ATP6V1D: variants seen among roughly 807,000 people sequenced by gnomAD.
The protein encoded by ATP6V1D is V-type proton ATPase subunit D.
A neutral mutation model predicts 39.4 loss-of-function variants in ATP6V1D; 20 were observed. The observed-to-expected ratio is 0.51, with a 90% CI of 0.36 to 0.74. The LOEUF (loss-of-function observed/expected upper bound fraction) is 0.74, where lower values mean the gene tolerates loss of function less well. ATP6V1D is among the 30% of genes least tolerant of loss of function. The probability of loss-of-function intolerance (pLI) is 0.00; values close to 1 mark genes in which losing one functional copy is unlikely to be tolerated. For synonymous variants in ATP6V1D, 100 were observed against 100.5 expected, an observed-to-expected ratio of 0.99 and a Z score of 0.03; for missense variants, 228 against 291.6, an observed-to-expected ratio of 0.78 and a Z score of 1.59.
At chr14:67,348,393 G>A (rs182725615) in intron 4 of ATP6V1D, among the ~76,000 whole-genome samples, 4 of 151,936 alleles carry the variant, frequency 2.6e-5, no homozygotes, top group African/African-American at 9.7e-5. Context: ...CTTTGGTAAA[G>A]ATGGGGTTTC....
intron 1 of ATP6V1D, among the ~76,000 whole-genome samples, chr14:67,358,332 A>G (rs1286128232): frequency 6.6e-6 from 1 of 152,210 alleles, no homozygotes; most frequent in Non-Finnish European, 1.5e-5. Context: ...TAAAAAATTT[A>G]AAAACTTCAT....
chr14:67,342,007 A>G (rs58292941), intron 7 of ATP6V1D, among the ~76,000 whole-genome samples: 22,982 of 150,916 alleles, frequency 0.15, 3,314 homozygotes, highest in East Asian at 0.42. Context: ...AAGAGTCATC[A>G]CCACTCCCTA....
At chr14:67,342,490 G>C (rs1249240944) in intron 7 of ATP6V1D, among the ~76,000 whole-genome samples, 1 of 149,760 alleles carries the variant, frequency 6.7e-6, no homozygotes, top group East Asian at 1.9e-4. Flanking sequence ...CATTAGGCTC[G>C]ACTTTACATA....
At chr14:67,347,097 C>T (rs745859206) in intron 5 of ATP6V1D, among the ~76,000 whole-genome samples, 10 of 152,182 alleles carry the variant, frequency 6.6e-5, no homozygotes, top group Non-Finnish European at 1.5e-4. Flanking sequence ...AATCCTCCCT[C>T]CTCAGCCCTG....
At chr14:67,358,942 CTCTT>C (rs2085705980) in intron 1 of ATP6V1D, among the ~76,000 whole-genome samples, 1 of 152,192 alleles carries the variant, frequency 6.6e-6, no homozygotes, top group Non-Finnish European at 1.5e-5. Flanking sequence ...GATTAAGACA[CTCTT>C]TCATCCTGGA....
chr14:67,359,563 G>C, intron 1 of ATP6V1D, 95 bp downstream of exon 1: 1 of 1,409,230 alleles, frequency 7.1e-7, no homozygotes, highest in Non-Finnish European at 9.9e-7. Context: ...GATCCTCCCA[G>C]GAAACAAGGA....
At chr14:67,354,813 CATTTT>C (rs769556278) in intron 1 of ATP6V1D, among the ~76,000 whole-genome samples, 43 of 152,180 alleles carry the variant, frequency 2.8e-4, no homozygotes, top group Admixed American at 1.8e-3. Flanking sequence ...GTACCTTTTG[CATTTT>C]ATTTTATTTT....
At chr14:67,344,183 G>A (rs1490119283) in intron 6 of ATP6V1D, among the ~76,000 whole-genome samples, 1 of 152,198 alleles carries the variant, frequency 6.6e-6, no homozygotes, top group African/African-American at 2.4e-5. Flanking sequence ...CAATGATTGT[G>A]ACCTCTGTAT....
intron 1 of ATP6V1D, 22 bp from the exon 2 acceptor site, chr14:67,353,062 T>C: frequency 6.4e-7 from 1 of 1,551,480 alleles, no homozygotes; most frequent in Non-Finnish European, 8.8e-7. Context: ...TAAACAAAGT[T>C]AAGACATCTA....
chr14:67,354,793 A>G (rs540024369), intron 1 of ATP6V1D, among the ~76,000 whole-genome samples: 3 of 152,214 alleles, frequency 2.0e-5, no homozygotes, highest in East Asian at 1.9e-4. Flanking sequence ...TTTTACTACT[A>G]TATTCTTTTG....
intron 8 of ATP6V1D, among the ~76,000 whole-genome samples, chr14:67,339,705 G>A (rs1307530871): frequency 6.6e-6 from 1 of 152,082 alleles, no homozygotes; most frequent in Non-Finnish European, 1.5e-5. Flanking sequence ...ACCTTCTCCT[G>A]AACATGAAAT....
intron 1 of ATP6V1D, among the ~76,000 whole-genome samples, chr14:67,355,763 G>C (rs1253582706): frequency 6.6e-6 from 1 of 151,974 alleles, no homozygotes; most frequent in Non-Finnish European, 1.5e-5. Context: ...CACTTTGGGA[G>C]GCTAAGGTGG....
intron 1 of ATP6V1D, among the ~76,000 whole-genome samples, chr14:67,355,216 A>G (rs2085677594): frequency 6.6e-6 from 1 of 152,066 alleles, no homozygotes. Context: ...CATTTTATTA[A>G]TTTGTAAAAG....
At chr14:67,342,381 C>T (rs1364848592) in intron 7 of ATP6V1D, among the ~76,000 whole-genome samples, 2 of 151,638 alleles carry the variant, frequency 1.3e-5, no homozygotes, top group African/African-American at 4.8e-5. Context: ...GTGCTGAATT[C>T]TATGAATATA....
intron 1 of ATP6V1D, among the ~76,000 whole-genome samples, chr14:67,358,752 C>A (rs188897470): frequency 2.8e-4 from 43 of 152,288 alleles, no homozygotes; most frequent in African/African-American, 9.6e-4. Flanking sequence ...AGAAAGGGAG[C>A]AAGTTGTTAG....
intron 4 of ATP6V1D, among the ~76,000 whole-genome samples, chr14:67,348,475 G>A (rs1007528994): frequency 6.6e-6 from 1 of 151,640 alleles, no homozygotes; most frequent in Non-Finnish European, 1.5e-5. Flanking sequence ...AAAGTGCTGG[G>A]ATTACAGGTG....
intron 4 of ATP6V1D, among the ~76,000 whole-genome samples, chr14:67,348,314 C>A (rs910613505): frequency 1.6e-4 from 24 of 152,118 alleles, no homozygotes; most frequent in African/African-American, 5.8e-4. Flanking sequence ...AGGCGATCCG[C>A]CCACCTTGGC....
At chr14:67,344,455 A>C (rs2085606063) in intron 6 of ATP6V1D, among the ~76,000 whole-genome samples, 1 of 152,252 alleles carries the variant, frequency 6.6e-6, no homozygotes, top group South Asian at 2.1e-4. Context: ...GACAAGAAAG[A>C]ATCAAGCATT....
intron 4 of ATP6V1D, among the ~76,000 whole-genome samples, chr14:67,348,255 G>A (rs2085633877): frequency 6.6e-6 from 1 of 151,764 alleles, no homozygotes; most frequent in African/African-American, 2.4e-5. Context: ...TGTATTTTTA[G>A]TAGAGACAGG....
Sources: allele counts gnomAD v4.1 joint callset (sites outside exome capture counted in the v4.1 genomes callset), GRCh38; gene constraint gnomAD v4.1.1; transcripts MANE v1.5; gene names NCBI Gene and HGNC (gene_info 2026-07-23, HGNC 2026-07-21).